RIPK2: variants seen among roughly 807,000 people sequenced by gnomAD.
RIPK2 encodes receptor interacting serine/threonine kinase 2, also known as receptor-interacting serine/threonine-protein kinase 2.
RIPK2 carries 38 observed loss-of-function variants against 60.9 expected under a neutral mutation model. The ratio of observed to expected loss-of-function variants is 0.62; its 90% CI spans 0.48 to 0.82. RIPK2 has a LOEUF of 0.82. RIPK2 is among the 40% of genes least tolerant of loss of function. RIPK2 has a pLI of 0.00. For missense variants in RIPK2, 518 were observed against 647.0 expected, an observed-to-expected ratio of 0.80 and a Z score of 2.16; for synonymous variants, 225 against 223.4, an observed-to-expected ratio of 1.01 and a Z score of -0.06.
At chr8:89,789,272 G>A in intron 9 of RIPK2, 49 bp from the exon 10 acceptor site, 1 of 1,523,620 alleles carries the variant, frequency 6.6e-7, no homozygotes, top group Non-Finnish European at 9.0e-7. Flanking sequence ...TAGCCAATAG[G>A]AATTTCTAAG....
At chr8:89,780,261 C>T (rs1809476446) in intron 7 of RIPK2, 101 bp downstream of exon 7, 1 of 585,450 alleles carries the variant, frequency 1.7e-6, no homozygotes, top group African/African-American at 1.9e-5. Context: ...ATATACTTTA[C>T]ACAGATATAA....
chr8:89,769,043 AT>A (rs1586121620), intron 3 of RIPK2, among the ~76,000 whole-genome samples: 1 of 151,932 alleles, frequency 6.6e-6, no homozygotes, highest in East Asian at 1.9e-4. Context: ...AAAGTAAAAA[AT>A]AAGGAAGCTT....
chr8:89,769,664 C>T, intron 3 of RIPK2, 108 bp from the exon 4 acceptor site: 1 of 687,958 alleles, frequency 1.5e-6, no homozygotes. Flanking sequence ...AAATATATTA[C>T]ATTTTCTCTG....
intron 6 of RIPK2, among the ~76,000 whole-genome samples, chr8:89,775,294 A>T (rs1809378594): frequency 6.6e-6 from 1 of 152,046 alleles, no homozygotes; most frequent in Non-Finnish European, 1.5e-5. Context: ...AATAAAAAAA[A>T]AATAAAAAAT....
intron 1 of RIPK2, among the ~76,000 whole-genome samples, chr8:89,762,369 A>G (rs1809159858): frequency 6.6e-6 from 1 of 152,124 alleles, no homozygotes; most frequent in Non-Finnish European, 1.5e-5. Flanking sequence ...TATAACATTT[A>G]AAGGTTTTAA....
At chr8:89,780,942 G>A (rs1809488611) in intron 7 of RIPK2, among the ~76,000 whole-genome samples, 1 of 149,662 alleles carries the variant, frequency 6.7e-6, no homozygotes. Flanking sequence ...ATTACTGCAG[G>A]GGTTTTTTTT....
In RIPK2 at chr8:89,772,671, C is replaced by T; in HGVS notation, c.696C>T (p.Val232=). The T allele has an allele frequency of 3.1e-6, 5 of 1,597,874 alleles. No homozygotes were observed. The highest frequency in any genetic ancestry group is 4.3e-6 in the Non-Finnish European group (5 of 1,171,542). The stretch of plus-strand genomic sequence containing the variant: ...GCAATCTATTTGTTTTGACAGATGT[C>T]ACCAATCCTTTGCAGATAATGTATA... ...VLSRKQPFED[V]TNPLQIMYSV... is the part of the protein sequence containing the mutation. The change falls in exon 6 of 11, where the codon GTC becomes GTT. Residue 232 remains valine, a synonymous_variant. Transcript: ENST00000220751.
rs1269644570 is a variant in RIPK2 at position 89,771,763 on chromosome 8, G to C, written c.664G>C (p.Val222Leu). ...IYSYAVITWEVLSRKQPFEDV... is the reference protein window; with the variant it reads ...IYSYAVITWELLSRKQPFEDV... ...CAGCTATGCAGTTATCACATGGGAA[G>C]TGTTATCCAGAAAACAGCCTTTTGA... Residue 222 changes from valine to leucine, a missense_variant, in exon 5 of 11, where the codon GTG (valine) becomes CTG (leucine). Val to Leu is a conservative substitution (Grantham distance 32). This residue lies in a region of RIPK2 where 448 missense variants were observed against 534.7 expected (regional missense o/e 0.84). Transcript: ENST00000220751. 6.2e-7 allele frequency: 1 copy of C among 1,605,854 alleles called. No individual in the cohort carries two copies.
In RIPK2 at chr8:89,771,731, T is replaced by C. The variant is rs1333392589; in HGVS notation, c.642-10T>C. The C allele has an allele frequency of 2.5e-6, 4 of 1,586,178 alleles. No homozygotes were observed. The highest frequency in any genetic ancestry group is 3.4e-6 in the Non-Finnish European group (4 of 1,159,838). On this transcript the variant is annotated splice_polypyrimidine_tract_variant and intron_variant, in intron 4 of 10. Transcript: ENST00000220751. ...AAAATATGTAACATGTATGTTCTTA[T>C]GTTAAACAGCTATGCAGTTATCACA... is the stretch of plus-strand genomic sequence containing the variant.
chr8:89,771,296 A>G (rs1407193843), intron 4 of RIPK2, among the ~76,000 whole-genome samples: 1 of 151,912 alleles, frequency 6.6e-6, no homozygotes, highest in Admixed American at 6.6e-5. Flanking sequence ...ATGCAGCTTA[A>G]CCCTGTAATT....
chr8:89,781,160 A>G lies in RIPK2; in HGVS notation c.939+1000A>G, dbSNP rs376086175. 1.9e-3 allele frequency among the ~76,000 whole-genome samples: 296 copies of G among 152,090 alleles called. 1 individual carries two copies. Among genetic ancestry groups the G allele is most frequent in the Middle Eastern group, 0.01 (3 of 294 alleles). ...CATCTACAATTTTTATCACAAAATGACATTGCTTGCCTGCCCCTTGTGGGT... is the reference window on the plus strand; with the variant it reads ...CATCTACAATTTTTATCACAAAATGGCATTGCTTGCCTGCCCCTTGTGGGT... On this transcript the variant is annotated intron_variant, in intron 7 of 10. Transcript: ENST00000220751.
At chr8:89,783,528 G>C (rs1396926900) in intron 7 of RIPK2, among the ~76,000 whole-genome samples, 2 of 152,128 alleles carry the variant, frequency 1.3e-5, no homozygotes, top group African/African-American at 4.8e-5. Context: ...AATCACATCT[G>C]ATTGGCTCCA....
At chr8:89,770,647 C>T (rs1809297721) in intron 4 of RIPK2, among the ~76,000 whole-genome samples, 1 of 151,480 alleles carries the variant, frequency 6.6e-6, no homozygotes, top group African/African-American at 2.4e-5. Flanking sequence ...TTTTATAGTC[C>T]TTTAAATGGC....
In RIPK2 at chr8:89,770,579, T is replaced by C. The variant is rs113188509; in HGVS notation, c.641+650T>C. 5.2e-3 allele frequency among the ~76,000 whole-genome samples: 783 copies of C among 151,924 alleles called. 5 individuals carry two copies. Among genetic ancestry groups the C allele is most frequent in the African/African-American group, 0.018 (730 of 41,524 alleles). ...TCACCTCATGTATAAGTTACTCTTA[T>C]CTCTTTTAATATACTAATGAATGCA... On this transcript the variant is annotated intron_variant, in intron 4 of 10. Coordinates refer to ENST00000220751, the MANE Select transcript of RIPK2 (RefSeq NM_003821.6).
At chr8:89,766,471 T>C (rs1329434327) in intron 3 of RIPK2, among the ~76,000 whole-genome samples, 1 of 151,886 alleles carries the variant, frequency 6.6e-6, no homozygotes, top group African/African-American at 2.4e-5. Context: ...GATCCAGCTA[T>C]TCCGCATCAT....
chr8:89,763,935 T>C (rs1314302277), intron 2 of RIPK2, among the ~76,000 whole-genome samples: 1 of 152,138 alleles, frequency 6.6e-6, no homozygotes, highest in East Asian at 1.9e-4. Context: ...TGAGTATAAG[T>C]AGAAATCTAA....
intron 4 of RIPK2, 83 bp from the exon 5 acceptor site, chr8:89,771,658 C>A: frequency 1.2e-6 from 1 of 866,488 alleles, no homozygotes; most frequent in Non-Finnish European, 1.8e-6. Context: ...TATCTTCAGT[C>A]AGCTTTTAAA....
At chr8:89,774,998 TAGAG>T (rs1586126052) in intron 6 of RIPK2, among the ~76,000 whole-genome samples, 1 of 151,974 alleles carries the variant, frequency 6.6e-6, no homozygotes, top group South Asian at 2.1e-4. Flanking sequence ...GGAGTTTTAA[TAGAG>T]AGATGTAAAC....
Position 89,790,565 on chromosome 8 carries a change from T to A in RIPK2, c.*149T>A. On this transcript the variant is annotated 3_prime_UTR_variant, in exon 11 of 11. Transcript: ENST00000220751. ...AGTCTCCCTCCATGACACTGCAGTA[T>A]TTTTTTTAATTAATACAAGTAAAAA... 1.9e-6 allele frequency: 1 copy of A among 514,918 alleles called. No individual in the cohort carries two copies. Among genetic ancestry groups the A allele is most frequent in the Non-Finnish European group, 3.3e-6 (1 of 300,520 alleles). The allele number at this position is 514,918 out of a possible 1,614,324, so 31.9% of individuals were successfully genotyped here.
Sources: allele counts gnomAD v4.1 joint callset (sites outside exome capture counted in the v4.1 genomes callset), GRCh38; gene constraint gnomAD v4.1.1; regional missense constraint gnomAD v4.1.1; transcripts MANE v1.5; gene names NCBI Gene and HGNC (gene_info 2026-07-23, HGNC 2026-07-21).